Variants in RNGTT observed in about 807,000 individuals in gnomAD.
The protein encoded by RNGTT is RNA guanylyltransferase and 5'-phosphatase, also known as mRNA-capping enzyme.
RNGTT carries 33 observed loss-of-function variants against 79.3 expected under a neutral mutation model. The observed-to-expected ratio is 0.42, with a 90% CI of 0.32 to 0.56. RNGTT has a LOEUF of 0.56. Ranked by LOEUF, RNGTT falls within the 20% of genes least tolerant of loss-of-function variation. RNGTT has a pLI of 0.17. For synonymous variants in RNGTT, 222 were observed against 235.9 expected, an observed-to-expected ratio of 0.94 and a Z score of 0.54; for missense variants, 497 against 739.1, an observed-to-expected ratio of 0.67 and a Z score of 3.80.
intron 8 of RNGTT, among the ~76,000 whole-genome samples, chr6:88,854,088 C>A (rs1781763735): frequency 6.6e-6 from 1 of 151,218 alleles, no homozygotes; most frequent in African/African-American, 2.4e-5. Context: ...CCATGCCCAG[C>A]TAATTTGTTT....
intron 14 of RNGTT, among the ~76,000 whole-genome samples, chr6:88,636,856 C>T (rs1343737578): frequency 1.3e-5 from 2 of 151,690 alleles, no homozygotes; most frequent in Non-Finnish European, 2.9e-5. Context: ...CTAGTATCTT[C>T]CTCATCTTGC....
intron 8 of RNGTT, among the ~76,000 whole-genome samples, chr6:88,860,553 G>C (rs1781979270): frequency 6.6e-6 from 1 of 152,178 alleles, no homozygotes; most frequent in Admixed American, 6.6e-5. Flanking sequence ...CCTAATCAAA[G>C]TGTTCCTGTG....
chr6:88,894,858 AG>A (rs147598377), intron 6 of RNGTT, among the ~76,000 whole-genome samples: 6,237 of 152,222 alleles, frequency 0.041, 190 homozygotes, highest in African/African-American at 0.076. Context: ...CTTGAGCCCC[AG>A]AGTTCAAGAC....
chr6:88,681,990 C>A (rs1775110834), intron 13 of RNGTT, among the ~76,000 whole-genome samples: 1 of 152,134 alleles, frequency 6.6e-6, no homozygotes, highest in Admixed American at 6.5e-5. Flanking sequence ...TTTCCAAACA[C>A]AAACATTAAC....
intron 8 of RNGTT, among the ~76,000 whole-genome samples, chr6:88,862,020 A>T (rs1279204404): frequency 6.6e-6 from 1 of 152,198 alleles, no homozygotes; most frequent in East Asian, 1.9e-4. Context: ...ATCTAAACTT[A>T]ATGAATCTCA....
intron 10 of RNGTT, among the ~76,000 whole-genome samples, chr6:88,845,426 T>C (rs560831118): frequency 6.6e-6 from 1 of 152,330 alleles, no homozygotes; most frequent in African/African-American, 2.4e-5. Flanking sequence ...TCTCGTCCTA[T>C]CCATGTGGCA....
rs775051630 is a variant in RNGTT, at chr6:88,882,558, TAAAAATTC to T, written c.896+7929_896+7936del. On this transcript the variant is annotated intron_variant, in intron 8 of 15. Coordinates refer to ENST00000369485, the MANE Select transcript of RNGTT (RefSeq NM_003800.5). ...GCTCAGGAAAAAGTTAAATAAAATT[TAAAAATTC>T]AAAAATTCAACAAGTTAAAATATAA... Among the ~76,000 whole-genome samples, 163 of 152,312 alleles carry T rather than the reference TAAAAATTC, an allele frequency of 1.1e-3. 1 individual carries two copies. The highest frequency in any genetic ancestry group is 3.8e-3 in the African/African-American group (160 of 41,578).
chr6:88,914,748 GTCC>G (rs1783943024), intron 4 of RNGTT, among the ~76,000 whole-genome samples: 1 of 151,780 alleles, frequency 6.6e-6, no homozygotes, highest in Admixed American at 6.6e-5. Flanking sequence ...TTATGTCTAA[GTCC>G]TCAAAAACAA....
chr6:88,937,358 T>A (rs964855456), intron 2 of RNGTT, among the ~76,000 whole-genome samples: 10 of 151,364 alleles, frequency 6.6e-5, no homozygotes, highest in Non-Finnish European at 1.2e-4. Context: ...AAAAAAAAAA[T>A]AGTCTCTGAT....
chr6:88,936,398 T>C (rs1010091650), intron 2 of RNGTT, among the ~76,000 whole-genome samples: 2 of 152,356 alleles, frequency 1.3e-5, no homozygotes, highest in East Asian at 3.9e-4. Context: ...GCCTGGCTGC[T>C]CTAGATAGTA....
chr6:88,626,908 C>T (rs191424658), intron 14 of RNGTT, among the ~76,000 whole-genome samples: 10 of 152,102 alleles, frequency 6.6e-5, no homozygotes, highest in Admixed American at 3.9e-4. Context: ...CCAAACTCTA[C>T]GGCATAATAT....
chr6:88,926,911 T>C (rs1167232125), intron 4 of RNGTT, among the ~76,000 whole-genome samples: 3 of 152,136 alleles, frequency 2.0e-5, no homozygotes, highest in Admixed American at 2.0e-4. Context: ...GATTATATTT[T>C]CTAACTAATT....
At chr6:88,946,518 T>C (rs1290863018) in intron 1 of RNGTT, among the ~76,000 whole-genome samples, 1 of 152,096 alleles carries the variant, frequency 6.6e-6, no homozygotes, top group Non-Finnish European at 1.5e-5. Context: ...AAACTAGAAA[T>C]GATTAAGTTC....
At chr6:88,743,576 T>G (rs1777565240) in intron 13 of RNGTT, among the ~76,000 whole-genome samples, 1 of 152,340 alleles carries the variant, frequency 6.6e-6, no homozygotes, top group South Asian at 2.1e-4. Context: ...ACAGTACTTG[T>G]CTTTTTGTAT....
chr6:88,758,920 G>A (rs534300920), intron 13 of RNGTT, among the ~76,000 whole-genome samples: 1 of 152,048 alleles, frequency 6.6e-6, no homozygotes, highest in African/African-American at 2.4e-5. Flanking sequence ...GGGTACATGT[G>A]CACAATGTGC....
intron 8 of RNGTT, among the ~76,000 whole-genome samples, chr6:88,867,360 G>A (rs1313909468): frequency 6.6e-6 from 1 of 152,014 alleles, no homozygotes; most frequent in Non-Finnish European, 1.5e-5. Context: ...GCACACACCT[G>A]TAGTCTCAGC....
rs541500259 is a variant in RNGTT, at chr6:88,775,573, C to G, written c.1339-5699G>C. The stretch of plus-strand genomic sequence containing the variant: ...ACCACAGAAGACGGTACAGTTAGAA[C>G]TGACAGAGTAATTTATATCTGTTTC... On this transcript the variant is annotated intron_variant, in intron 12 of 15. Coordinates refer to ENST00000369485, the MANE Select transcript of RNGTT (RefSeq NM_003800.5). 7.9e-5 allele frequency among the ~76,000 whole-genome samples: 12 copies of G among 152,274 alleles called. No homozygotes were observed. The South Asian group carries it at 2.5e-3, about 32-fold the overall frequency.
At chr6:88,915,871 C>G (rs1224376399) in intron 4 of RNGTT, among the ~76,000 whole-genome samples, 1 of 152,148 alleles carries the variant, frequency 6.6e-6, no homozygotes, top group African/African-American at 2.4e-5. Flanking sequence ...ACTATTTTGT[C>G]AGGCAATATT....
chr6:88,677,808 A>T (rs1195489310), intron 14 of RNGTT, among the ~76,000 whole-genome samples: 1 of 152,002 alleles, frequency 6.6e-6, no homozygotes, highest in African/African-American at 2.4e-5. Flanking sequence ...AAAAGGGATG[A>T]TCTCAAAGAT....
Sources: allele counts gnomAD v4.1 joint callset (sites outside exome capture counted in the v4.1 genomes callset), GRCh38; gene constraint gnomAD v4.1.1; transcripts MANE v1.5; gene names NCBI Gene and HGNC (gene_info 2026-07-23, HGNC 2026-07-21).